The following WBP2NL variants were observed in gnomAD, a reference collection of about 807,000 sequenced individuals.
WBP2NL encodes postacrosomal sheath WW domain-binding protein.
In WBP2NL, 27 loss-of-function variants were observed where a neutral mutation model predicts 23.3. The observed-to-expected ratio is 1.16, with a 90% CI of 0.85 to 1.60. The LOEUF (loss-of-function observed/expected upper bound fraction) is 1.60. Among genes scored for constraint, WBP2NL ranks in the 40% most tolerant of loss-of-function variants. WBP2NL has a pLI of 0.00. For missense variants in WBP2NL, 370 were observed against 389.5 expected, an observed-to-expected ratio of 0.95 and a Z score of 0.42; for synonymous variants, 151 against 145.9, an observed-to-expected ratio of 1.03 and a Z score of -0.25.
downstream of WBP2NL, chr22:42,031,781 T>C (rs1233960958): frequency 5.3e-5 from 8 of 152,104 alleles, no homozygotes; most frequent in African/African-American, 9.7e-5. Context: ...CTGCAACCTT[T>C]GCCCCACAGG....
chr22:42,001,288 C>T (rs1921642860), intron 1 of WBP2NL: 4 of 688,710 alleles, frequency 5.8e-6, no homozygotes, highest in Non-Finnish European at 1.1e-5. Flanking sequence ...AATAGGAAGT[C>T]AACCCAGCAA....
intron 8 of WBP2NL, among the ~76,000 whole-genome samples, chr22:42,044,792 CTG>C (rs1390239086): frequency 1.3e-5 from 2 of 152,004 alleles, no homozygotes; most frequent in African/African-American, 4.8e-5. Flanking sequence ...GTGACAGAGA[CTG>C]TGTTTCAAAA....
chr22:42,043,452 G>GGCAT (rs1338763042), intron 8 of WBP2NL, among the ~76,000 whole-genome samples: 1 of 152,174 alleles, frequency 6.6e-6, no homozygotes, highest in Non-Finnish European at 1.5e-5. Context: ...GCCAGATGTG[G>GGCAT]GCATATATTG....
intron 8 of WBP2NL, among the ~76,000 whole-genome samples, chr22:42,056,351 A>G (rs917362855): frequency 6.6e-6 from 1 of 152,194 alleles, no homozygotes; most frequent in Admixed American, 6.5e-5. Flanking sequence ...CTTTATACAT[A>G]GTCTACCCAT....
intron 1 of WBP2NL, chr22:42,002,630 A>G (rs1436231870): frequency 6.6e-6 from 1 of 152,200 alleles, no homozygotes; most frequent in African/African-American, 2.4e-5. Context: ...TCTACAGTGA[A>G]GATCAGTACT....
chr22:42,021,085 A>C (rs907506037), intron 4 of WBP2NL, among the ~76,000 whole-genome samples: 1 of 149,976 alleles, frequency 6.7e-6, no homozygotes, highest in Non-Finnish European at 1.5e-5. Context: ...AAGCCCAGCT[A>C]ATTTTTGTAT....
In WBP2NL at chr22:42,006,394, G is replaced by T. The variant is rs1922254965; in HGVS notation, c.62+7514G>T. Among the ~76,000 whole-genome samples, 4 of 152,080 alleles carry T rather than the reference G, an allele frequency of 2.6e-5. No individual in the cohort carries two copies. In the South Asian group the frequency reaches 8.3e-4, roughly 32 times the overall value. ...CGCCACCACACTCGGCTAATTTTTTGTATTTTTAGTAGAGACTAAACCCAC... is the reference window on the plus strand; with the variant it reads ...CGCCACCACACTCGGCTAATTTTTTTTATTTTTAGTAGAGACTAAACCCAC... On this transcript the variant is annotated intron_variant, in intron 1 of 5. Transcript: ENST00000328823.
chr22:42,009,871 G>A (rs1300006624), intron 1 of WBP2NL, among the ~76,000 whole-genome samples: 2 of 152,166 alleles, frequency 1.3e-5, no homozygotes, highest in African/African-American at 4.8e-5. Context: ...GGTAGGGATT[G>A]TGTTGAATCT....
chr22:42,033,894 G>A (rs1925083618), downstream of WBP2NL, among the ~76,000 whole-genome samples: 1 of 152,196 alleles, frequency 6.6e-6, no homozygotes, highest in Admixed American at 6.5e-5. Flanking sequence ...GCCATCACAA[G>A]TTCTCACTCC....
intron 5 of WBP2NL, among the ~76,000 whole-genome samples, chr22:42,022,736 C>T (rs1202060027): frequency 1.3e-5 from 2 of 152,160 alleles, no homozygotes; most frequent in East Asian, 3.9e-4. Flanking sequence ...GGACTCGAGC[C>T]CTGGGTCCTT....
At position 42,017,063 on chromosome 22, in the gene WBP2NL, G is replaced by A. The variant is rs1298637986; in HGVS notation, c.63-2248G>A. Among the ~76,000 whole-genome samples, 2 of 152,128 alleles carry A rather than the reference G, an allele frequency of 1.3e-5. 1 individual carries two copies. The highest frequency in any genetic ancestry group is 4.1e-4 in the South Asian group (2 of 4,826). On this transcript the variant is annotated intron_variant, in intron 1 of 5. Transcript: ENST00000328823. The stretch of plus-strand genomic sequence containing the variant: ...TATCTGCTCCTGCACCTCCATGAAT[G>A]CTGTTTGCTTCCCATCTGGATTGTC...
chr22:42,036,100 G>A (rs9623502), downstream of WBP2NL, among the ~76,000 whole-genome samples: 3,382 of 152,090 alleles, frequency 0.022, 143 homozygotes, highest in African/African-American at 0.077. Flanking sequence ...CTTGACTGTC[G>A]TGCAAAATGC....
chr22:42,037,128 TTGTGTG>T (rs3045493), downstream of WBP2NL, among the ~76,000 whole-genome samples: 66,479 of 147,964 alleles, frequency 0.45, 14,869 homozygotes, highest in East Asian at 0.71. Flanking sequence ...CAGATTTCAT[TTGTGTG>T]TGTGTGTGTG....
chr22:42,010,816 G>A (rs133325), intron 1 of WBP2NL, among the ~76,000 whole-genome samples: 65,139 of 152,094 alleles, frequency 0.43, 15,064 homozygotes, highest in East Asian at 0.85. Flanking sequence ...GGGATTACAG[G>A]CGTGAGCCAC....
At chr22:42,057,384 C>T (rs1926079501) in intron 8 of WBP2NL, among the ~76,000 whole-genome samples, 3 of 152,250 alleles carry the variant, frequency 2.0e-5, no homozygotes, top group Non-Finnish European at 2.9e-5. Context: ...TTCCCCACTA[C>T]AGTTTTATCT....
intron 1 of WBP2NL, chr22:42,000,942 G>A (rs1222287713): frequency 5.6e-6 from 2 of 356,494 alleles, no homozygotes; most frequent in South Asian, 4.2e-5. Flanking sequence ...GCAGTGAGCC[G>A]AGATTGTGCC....
intron 5 of WBP2NL, 62 bp downstream of exon 5, chr22:42,022,418 C>A: frequency 7.0e-7 from 1 of 1,431,868 alleles, no homozygotes; most frequent in East Asian, 2.3e-5. Context: ...GCTCAAAGAT[C>A]TATCCCTTGC....
rs80308193 is a variant in WBP2NL, at chr22:42,023,337, C to T, written c.514+981C>T. Among the ~76,000 whole-genome samples the T allele has an allele frequency of 1.5e-3, 231 of 152,050 alleles. 2 individuals carry two copies. The East Asian group carries it at 0.036, about 23-fold the overall frequency. ...AACCAGAGTAGGCTAGGACCACAGG[C>T]GCAATCCACCATGCCCGGCTAATTT... On this transcript the variant is annotated intron_variant, in intron 5 of 5. Coordinates refer to ENST00000328823, the MANE Select transcript of WBP2NL (RefSeq NM_152613.3).
chr22:42,039,133 A>T (rs1184015887), intron 8 of WBP2NL, among the ~76,000 whole-genome samples: 2 of 149,746 alleles, frequency 1.3e-5, no homozygotes, highest in African/African-American at 4.9e-5. Context: ...GTGCAGTGGC[A>T]CTGTGTCGGC....
Sources: gnomAD v4.1 joint callset for allele counts (sites outside exome capture counted in the v4.1 genomes callset) on GRCh38, gnomAD v4.1.1 for gene constraint, MANE v1.5 for transcripts, NCBI Gene and HGNC (gene_info 2026-07-23, HGNC 2026-07-21) for gene names.